UBQLN1: variants seen among roughly 807,000 people sequenced by gnomAD.
The protein encoded by UBQLN1 is ubiquilin-1.
Under a neutral mutation model 65.4 loss-of-function variants are expected in UBQLN1, and 13 were observed. The observed-to-expected ratio is 0.20, with a 90% CI of 0.13 to 0.32. The LOEUF (loss-of-function observed/expected upper bound fraction) is 0.32, where lower values mean the gene tolerates loss of function less well. Ranked by LOEUF, UBQLN1 falls within the 10% of genes least tolerant of loss-of-function variation. UBQLN1 has a pLI of 1.00. For missense variants in UBQLN1, 561 were observed against 724.0 expected, an observed-to-expected ratio of 0.77 and a Z score of 2.58; for synonymous variants, 267 against 247.8, an observed-to-expected ratio of 1.08 and a Z score of -0.73.
At chr9:83,699,173 G>T (rs1832270363) in intron 1 of UBQLN1, among the ~76,000 whole-genome samples, 1 of 152,082 alleles carries the variant, frequency 6.6e-6, no homozygotes, top group Non-Finnish European at 1.5e-5. Flanking sequence ...AACGGATGGT[G>T]GTAACAATTG....
chr9:83,680,782 A>G (rs1212597132), intron 3 of UBQLN1, among the ~76,000 whole-genome samples: 1 of 152,146 alleles, frequency 6.6e-6, no homozygotes, highest in Non-Finnish European at 1.5e-5. Context: ...ATTGAACCTG[A>G]GGAGGAGGTC....
chr9:83,667,033 T>A (rs1238154793), intron 7 of UBQLN1: 1 of 152,190 alleles, frequency 6.6e-6, no homozygotes, highest in African/African-American at 2.4e-5. Context: ...CCAACAGTCC[T>A]CTGGGAAAAG....
rs903766585 is a variant in UBQLN1 at position 83,667,660 on chromosome 9, T to C, written c.1249-1227A>G. On this transcript the variant is annotated intron_variant, in intron 7 of 10. Transcript: ENST00000376395. ...AGGTTATCACACATATCTTTTGGAA[T>C]TCACTTCATTTCATCTTAAAAAAGC... 5.1e-6 allele frequency: 5 copies of C among 985,252 alleles called. No homozygotes were observed. The African/African-American group carries it at 8.7e-5, about 17-fold the overall frequency. 61.0% of individuals were successfully genotyped at this position (985,252 alleles called of 1,614,324 possible).
At chr9:83,663,613 G>T (rs963635370) in intron 10 of UBQLN1, among the ~76,000 whole-genome samples, 1 of 151,930 alleles carries the variant, frequency 6.6e-6, no homozygotes, top group Non-Finnish European at 1.5e-5. Context: ...ATTTTTAAAG[G>T]CAATTTCTAA....
intron 2 of UBQLN1, among the ~76,000 whole-genome samples, chr9:83,685,642 G>A (rs1395035749): frequency 9.4e-5 from 14 of 148,522 alleles, no homozygotes; most frequent in African/African-American, 3.5e-4. Context: ...AAGTTCCTTA[G>A]ACTTAAAGAA....
Position 83,704,550 on chromosome 9 carries a change from T to C in UBQLN1, c.180+2950A>G, listed in dbSNP as rs563268554. Reference sequence around the variant, plus strand: ...TATTAACAATTCGTACTGGGCCGGGTGCCCGGTGGTTCACACCTGTAATCC... The same window carrying C: ...TATTAACAATTCGTACTGGGCCGGGCGCCCGGTGGTTCACACCTGTAATCC... On this transcript the variant is annotated intron_variant, in intron 1 of 10. Coordinates refer to ENST00000376395, the MANE Select transcript of UBQLN1 (RefSeq NM_013438.5). Among the ~76,000 whole-genome samples the C allele has an allele frequency of 1.6e-4, 24 of 152,318 alleles. No homozygotes were observed. The South Asian group carries it at 5.0e-3, about 32-fold the overall frequency.
intron 6 of UBQLN1, among the ~76,000 whole-genome samples, chr9:83,675,042 T>G (rs187119537): frequency 6.6e-6 from 1 of 152,188 alleles, no homozygotes; most frequent in East Asian, 1.9e-4. Flanking sequence ...TGGAAAACAT[T>G]TGGATCTATC....
chr9:83,707,720 A>C lies in UBQLN1; in HGVS notation c.-41T>G, dbSNP rs1251868620. ...GGCGGCGGTGACTCAGGCAAGCAGG[A>C]GGGAGCAGGCGAGCAAGGAGGAGCC... On this transcript the variant is annotated 5_prime_UTR_variant, in exon 1 of 11. Transcript: ENST00000376395. 2 of 1,516,806 alleles carry C rather than the reference A, an allele frequency of 1.3e-6. No individual in the cohort carries two copies. The highest frequency in any genetic ancestry group is 5.0e-5 in the East Asian group (2 of 40,012). 94.0% of individuals were successfully genotyped at this position (1,516,806 alleles called of 1,614,324 possible).
chr9:83,678,503 T>G lies in UBQLN1; in HGVS notation c.808A>C (p.Asn270His). ...SNLESIPGGY[N>H]ALRRMYTDIQ... ...TCTGTGTACATGCGCCTTAAAGCATTATATCCCCCTGGGATGCTTTCTAGG... is the reference window on the plus strand; with the variant it reads ...TCTGTGTACATGCGCCTTAAAGCATGATATCCCCCTGGGATGCTTTCTAGG... Residue 270 changes from asparagine to histidine, a missense_variant, in exon 5 of 11, where the codon AAT becomes CAT. Around this residue, in one of 8 missense-constraint regions of UBQLN1, gnomAD observed 75 missense variants for 138.9 expected, o/e 0.54. Transcript: ENST00000376395. 1 of 1,614,038 alleles carries G rather than the reference T, an allele frequency of 6.2e-7. No homozygotes were observed. Among genetic ancestry groups the G allele is most frequent in the Non-Finnish European group, 8.5e-7 (1 of 1,179,988 alleles).
intron 1 of UBQLN1, among the ~76,000 whole-genome samples, chr9:83,701,715 T>C (rs555721687): frequency 6.6e-6 from 1 of 151,622 alleles, no homozygotes; most frequent in Non-Finnish European, 1.5e-5. Context: ...GCATTGCTAG[T>C]GGAAATGTAA....
At chr9:83,700,776 C>G (rs546999611) in intron 1 of UBQLN1, among the ~76,000 whole-genome samples, 1 of 152,240 alleles carries the variant, frequency 6.6e-6, no homozygotes, top group Admixed American at 6.5e-5. Flanking sequence ...TGTAGTCAGC[C>G]AAGCAAGCAA....
chr9:83,682,908 A>G, intron 3 of UBQLN1, 43 bp downstream of exon 3: 5 of 1,089,668 alleles, frequency 4.6e-6, no homozygotes, highest in Non-Finnish European at 6.7e-6. Flanking sequence ...AAGGGAAAGG[A>G]GTATTTTTTC....
intron 9 of UBQLN1, among the ~76,000 whole-genome samples, chr9:83,664,668 G>A (rs1282049977): frequency 6.6e-6 from 1 of 151,946 alleles, no homozygotes; most frequent in Admixed American, 6.6e-5. Flanking sequence ...ATCCCACTTT[G>A]GGAGGCCAAA....
At chr9:83,695,620 TA>T (rs11337638) in intron 1 of UBQLN1, among the ~76,000 whole-genome samples, 100,693 of 151,068 alleles carry the variant, frequency 0.67, 33,731 homozygotes, top group East Asian at 0.88. Flanking sequence ...TTTAAAGAGT[TA>T]AAAAAAAAAA....
At chr9:83,693,388 T>C (rs1331844936) in intron 1 of UBQLN1, among the ~76,000 whole-genome samples, 1 of 152,226 alleles carries the variant, frequency 6.6e-6, no homozygotes, top group East Asian at 1.9e-4. Flanking sequence ...CTGGTGTGAA[T>C]ATCAACTGCT....
intron 10 of UBQLN1, among the ~76,000 whole-genome samples, chr9:83,663,572 A>T (rs576146668): frequency 1.3e-5 from 2 of 152,260 alleles, no homozygotes; most frequent in African/African-American, 4.8e-5. Context: ...ATCTATTTCA[A>T]ATGATTTTCA....
intron 4 of UBQLN1, among the ~76,000 whole-genome samples, chr9:83,679,346 GTT>G (rs1372675821): frequency 6.6e-6 from 1 of 152,164 alleles, no homozygotes; most frequent in African/African-American, 2.4e-5. Flanking sequence ...AAAATGAGGT[GTT>G]GTCTGATTCT....
chr9:83,701,222 T>A (rs1199305774), intron 1 of UBQLN1, among the ~76,000 whole-genome samples: 1 of 152,004 alleles, frequency 6.6e-6, no homozygotes, highest in Non-Finnish European at 1.5e-5. Context: ...AATAATACAT[T>A]ATATATTAAT....
intron 10 of UBQLN1, among the ~76,000 whole-genome samples, chr9:83,662,271 TATACACACAC>T (rs1235265286): frequency 0.026 from 2,621 of 102,314 alleles, 101 homozygotes; most frequent in African/African-American, 0.097. Context: ...TACATATACA[TATACACACAC>T]ACACACACAC....
Sources: allele counts gnomAD v4.1 joint callset (sites outside exome capture counted in the v4.1 genomes callset), GRCh38; gene constraint gnomAD v4.1.1; regional missense constraint gnomAD v4.1.1; transcripts MANE v1.5; gene names NCBI Gene and HGNC (gene_info 2026-07-23, HGNC 2026-07-21).